The following GULP1 variants were observed in gnomAD, a reference collection of about 807,000 sequenced individuals.
GULP1 encodes the protein PTB domain-containing engulfment adapter protein 1.
Under a neutral mutation model 40.9 loss-of-function variants are expected in GULP1, and 19 were observed. The ratio of observed to expected loss-of-function variants is 0.46; its 90% CI spans 0.32 to 0.68. The LOEUF (loss-of-function observed/expected upper bound fraction) is 0.68, where lower values mean the gene tolerates loss of function less well. Among genes scored for constraint, GULP1 ranks in the 30% least tolerant of loss-of-function variants. GULP1 has a pLI of 0.03. For synonymous variants in GULP1, 119 were observed against 117.6 expected, an observed-to-expected ratio of 1.01 and a Z score of -0.08; for missense variants, 312 against 362.2, an observed-to-expected ratio of 0.86 and a Z score of 1.12.
intron 7 of GULP1, among the ~76,000 whole-genome samples, chr2:188,562,476 T>C (rs1215794951): frequency 6.6e-6 from 1 of 152,178 alleles, no homozygotes; most frequent in African/African-American, 2.4e-5. Context: ...GGATTATATA[T>C]TCAAAATGTG....
chr2:188,380,226 T>A (rs2048843794), intron 1 of GULP1, among the ~76,000 whole-genome samples: 1 of 152,156 alleles, frequency 6.6e-6, no homozygotes, highest in Admixed American at 6.6e-5. Flanking sequence ...CATCCTAATA[T>A]CACCTTCTTT....
At chr2:188,388,888 T>A (rs771213538) in intron 2 of GULP1, among the ~76,000 whole-genome samples, 1 of 152,240 alleles carries the variant, frequency 6.6e-6, no homozygotes, top group Non-Finnish European at 1.5e-5. Context: ...GATACTGAGT[T>A]ACCAGTAGCC....
intron 5 of GULP1, among the ~76,000 whole-genome samples, chr2:188,524,549 A>G (rs1218026987): frequency 6.9e-6 from 1 of 145,660 alleles, no homozygotes; most frequent in African/African-American, 2.8e-5. Flanking sequence ...GTAATGATTC[A>G]TACACTAATG....
intron 7 of GULP1, among the ~76,000 whole-genome samples, chr2:188,566,794 CAAAAAAAAAAAAA>C (rs11350294): frequency 1.5e-4 from 4 of 26,918 alleles, no homozygotes; most frequent in South Asian, 2.6e-3. Flanking sequence ...GACTCCATCT[CAAAAAAAAAAAAA>C]AAAAAAAAAA....
At chr2:188,537,884 G>A (rs570867622) in intron 6 of GULP1, among the ~76,000 whole-genome samples, 2 of 152,040 alleles carry the variant, frequency 1.3e-5, no homozygotes, top group South Asian at 2.1e-4. Context: ...TTCTGTTCAG[G>A]ATTTCAGTTT....
intron 2 of GULP1, among the ~76,000 whole-genome samples, chr2:188,392,141 G>A (rs2050612068): frequency 6.6e-6 from 1 of 151,988 alleles, no homozygotes; most frequent in African/African-American, 2.4e-5. Context: ...AATTAGGGAG[G>A]ATTACCTCTT....
At chr2:188,436,408 C>T (rs1011927124) in intron 2 of GULP1, among the ~76,000 whole-genome samples, 3 of 151,938 alleles carry the variant, frequency 2.0e-5, no homozygotes, top group Non-Finnish European at 4.4e-5. Flanking sequence ...TATGATATTC[C>T]GATATCAAAG....
intron 9 of GULP1, among the ~76,000 whole-genome samples, chr2:188,579,401 T>A (rs948866761): frequency 3.9e-5 from 6 of 152,010 alleles, no homozygotes; most frequent in Non-Finnish European, 7.4e-5. Context: ...ATTTAAAAAT[T>A]TCTATTGATA....
intron 4 of GULP1, among the ~76,000 whole-genome samples, chr2:188,483,944 G>A (rs2061640936): frequency 6.6e-6 from 1 of 152,010 alleles, no homozygotes; most frequent in Non-Finnish European, 1.5e-5. Flanking sequence ...ATTTTATTGA[G>A]ATGAAGATGT....
intron 1 of GULP1, among the ~76,000 whole-genome samples, chr2:188,377,510 G>A (rs1433964314): frequency 6.6e-6 from 1 of 152,124 alleles, no homozygotes; most frequent in African/African-American, 2.4e-5. Context: ...GGCCATATTT[G>A]TATCTCCAGG....
chr2:188,449,546 A>T (rs1450919954), intron 2 of GULP1, among the ~76,000 whole-genome samples: 1 of 152,218 alleles, frequency 6.6e-6, no homozygotes, highest in Non-Finnish European at 1.5e-5. Flanking sequence ...CAGTATCAGG[A>T]TACAGATGGC....
At chr2:188,461,773 GA>G (rs1435242553) in intron 2 of GULP1, among the ~76,000 whole-genome samples, 8 of 152,046 alleles carry the variant, frequency 5.3e-5, no homozygotes, top group African/African-American at 1.7e-4. Context: ...GAATTTCTGG[GA>G]TAGCAGTTGT....
At chr2:188,536,224 TG>T (rs1282347292) in intron 6 of GULP1, among the ~76,000 whole-genome samples, 1 of 152,144 alleles carries the variant, frequency 6.6e-6, no homozygotes, top group Non-Finnish European at 1.5e-5. Flanking sequence ...CTTTTGTTTT[TG>T]TTGCAATTGC....
chr2:188,364,945 C>CATATATATATGTGTATATATGATG (rs1166953829), intron 1 of GULP1, among the ~76,000 whole-genome samples: 80 of 151,672 alleles, frequency 5.3e-4, no homozygotes, highest in Non-Finnish European at 1.0e-3. Context: ...TATATATACA[C>CATATATATATGTGTATATATGATG]ACACACACTT....
intron 7 of GULP1, among the ~76,000 whole-genome samples, chr2:188,549,293 C>T (rs191210546): frequency 6.6e-6 from 1 of 151,858 alleles, no homozygotes; most frequent in African/African-American, 2.4e-5. Context: ...AAAAATCATT[C>T]AACACTCAAC....
intron 2 of GULP1, among the ~76,000 whole-genome samples, chr2:188,458,926 A>C (rs1263571976): frequency 6.6e-6 from 1 of 152,102 alleles, no homozygotes; most frequent in South Asian, 2.1e-4. Context: ...AGATCTCACA[A>C]ATAAGTAAGA....
At chr2:188,297,309 T>C (rs1372436506) in intron 1 of GULP1, among the ~76,000 whole-genome samples, 1 of 152,062 alleles carries the variant, frequency 6.6e-6, no homozygotes, top group African/African-American at 2.4e-5. Flanking sequence ...TCTTCTTAAG[T>C]AGAACACAAG....
chr2:188,484,286 A>G (rs1488827902), intron 4 of GULP1, among the ~76,000 whole-genome samples: 1 of 152,182 alleles, frequency 6.6e-6, no homozygotes. Flanking sequence ...TAATAGAGAA[A>G]TGGAAACATT....
intron 2 of GULP1, among the ~76,000 whole-genome samples, chr2:188,423,246 C>A (rs1474642711): frequency 3.3e-5 from 5 of 151,982 alleles, no homozygotes; most frequent in Non-Finnish European, 7.4e-5. Flanking sequence ...TTATTATAAT[C>A]ATCTTATTTT....
Sources: allele counts gnomAD v4.1 joint callset (sites outside exome capture counted in the v4.1 genomes callset), GRCh38; gene constraint gnomAD v4.1.1; transcripts MANE v1.5; gene names NCBI Gene and HGNC (gene_info 2026-07-23, HGNC 2026-07-21).